Variants in C5orf52 observed in about 807,000 individuals in gnomAD.
C5orf52 encodes the protein chromosome 5 open reading frame 52.
In C5orf52, 15 loss-of-function variants were observed where a neutral mutation model predicts 16.8. That is an observed-to-expected ratio of 0.89 (90% CI 0.60 to 1.38). The LOEUF (loss-of-function observed/expected upper bound fraction) is 1.38. C5orf52 is among the 40% of genes most tolerant of loss of function. The pLI is 0.00. For synonymous variants in C5orf52, 83 were observed against 87.2 expected (o/e 0.95, Z 0.27); for missense variants, 206 against 213.1 (o/e 0.97, Z 0.21).
Position 157,671,767 on chromosome 5 carries a change from G to A in C5orf52, c.153G>A (p.Gly51=). 6.4e-7 allele frequency: 1 copy of A among 1,550,614 alleles called. No individual in the cohort carries two copies. The change falls in exon 1 of 3, where the codon GGG becomes GGA. Residue 51 remains glycine (G), a synonymous_variant. Coordinates refer to ENST00000409999, the MANE Select transcript of C5orf52 (RefSeq NM_001145132.2). ...GCCGCCGCCCAGAAATCGGCGTAGG[G>A]GGTCAGCCGCAGATCTGCTTTCCGC... is the stretch of plus-strand genomic sequence containing the variant. ...RLGRRPEIGV[G]GQPQICFPRP...
At chr5:157,675,602 G>A (rs1581416331) in intron 2 of C5orf52, among the ~76,000 whole-genome samples, 3 of 152,010 alleles carry the variant, frequency 2.0e-5, no homozygotes, top group South Asian at 4.2e-4. Context: ...TCAGGAATTC[G>A]AGACCAGCCT....
At chr5:157,678,635 A>G (rs1759952126) in intron 2 of C5orf52, among the ~76,000 whole-genome samples, 1 of 151,906 alleles carries the variant, frequency 6.6e-6, no homozygotes. Flanking sequence ...TTTTTTTTGT[A>G]TTTTGAGTAG....
rs762950282 is a variant in C5orf52, at chr5:157,671,789, C to G, written c.175C>G (p.Pro59Ala). Residue 59 changes from proline to alanine, a missense_variant, in exon 1 of 3, where the codon CCG (proline) becomes GCG (alanine). Pro to Ala is a conservative substitution (Grantham distance 27, BLOSUM62 -1). Coordinates refer to ENST00000409999, the MANE Select transcript of C5orf52 (RefSeq NM_001145132.2). Reference protein sequence around the residue: ...GVGGQPQICFPRPRSAQQPVL... With the variant: ...GVGGQPQICFARPRSAQQPVL... ...AGGGGGTCAGCCGCAGATCTGCTTTCCGCGGCCGAGGTCCGCGCAGCAGCC... is the reference window on the plus strand; with the variant it reads ...AGGGGGTCAGCCGCAGATCTGCTTTGCGCGGCCGAGGTCCGCGCAGCAGCC... 9.7e-6 allele frequency: 15 copies of G among 1,547,432 alleles called. No individual in the cohort carries two copies. The highest frequency in any genetic ancestry group is 1.4e-5 in the African/African-American group (1 of 73,022).
chr5:157,672,732 G>T (rs1181750518), intron 1 of C5orf52, among the ~76,000 whole-genome samples: 7 of 152,076 alleles, frequency 4.6e-5, no homozygotes, highest in Non-Finnish European at 8.8e-5. Flanking sequence ...GACACTCCGG[G>T]TTCCAAATTG....
intron 1 of C5orf52, among the ~76,000 whole-genome samples, 161 bp downstream of exon 1, chr5:157,671,987 G>A (rs999837216): frequency 1.3e-5 from 2 of 152,196 alleles, no homozygotes; most frequent in African/African-American, 4.8e-5. Context: ...TCCCAGTCTA[G>A]CTCTTCGGAT....
chr5:157,671,836 G>A lies in C5orf52; in HGVS notation c.212+10G>A, dbSNP rs1561594014. ...AGCCGGTGCTGTTCAGGTGTGGCCC[G>A]CATGCCCAGAGCGTTCGTCAGACCC... On this transcript the variant is annotated intron_variant, in intron 1 of 2. Coordinates refer to ENST00000409999, the MANE Select transcript of C5orf52 (RefSeq NM_001145132.2). 2.0e-6 allele frequency: 3 copies of A among 1,491,594 alleles called. No individual in the cohort carries two copies. Among genetic ancestry groups the A allele is most frequent in the Non-Finnish European group, 2.7e-6 (3 of 1,113,580 alleles). 92.4% of individuals were successfully genotyped at this position (1,491,594 alleles called of 1,614,324 possible).
In C5orf52 at chr5:157,671,835, C is replaced by T; in HGVS notation, c.212+9C>T. 2.0e-6 allele frequency: 3 copies of T among 1,495,402 alleles called. No homozygotes were observed. In the African/African-American group the frequency reaches 4.2e-5, roughly 21 times the overall value. The allele number at this position is 1,495,402 out of a possible 1,614,324, so 92.6% of individuals were successfully genotyped here. A position where few individuals can be genotyped will look rare whatever the true frequency, so the allele number is the denominator to read the frequency against. ...CAGCCGGTGCTGTTCAGGTGTGGCC[C>T]GCATGCCCAGAGCGTTCGTCAGACC... On this transcript the variant is annotated intron_variant, in intron 1 of 2. Coordinates refer to ENST00000409999, the MANE Select transcript of C5orf52 (RefSeq NM_001145132.2).
At chr5:157,676,103 C>A (rs1759889448) in intron 2 of C5orf52, among the ~76,000 whole-genome samples, 1 of 152,096 alleles carries the variant, frequency 6.6e-6, no homozygotes, top group Non-Finnish European at 1.5e-5. Flanking sequence ...GACAGAATTT[C>A]ATTCCTGTTG....
intron 1 of C5orf52, among the ~76,000 whole-genome samples, chr5:157,673,308 A>G (rs775410475): frequency 3.3e-5 from 5 of 152,026 alleles, no homozygotes; most frequent in African/African-American, 4.8e-5. Flanking sequence ...CTGCACTCCA[A>G]CATGGGCGAC....
At chr5:157,674,771 A>C (rs1393400685) in intron 1 of C5orf52, among the ~76,000 whole-genome samples, 1 of 152,148 alleles carries the variant, frequency 6.6e-6, no homozygotes, top group African/African-American at 2.4e-5. Flanking sequence ...GCCTCAAAAA[A>C]ACAAAAAACA....
chr5:157,674,760 C>T (rs867829654), intron 1 of C5orf52, among the ~76,000 whole-genome samples: 6 of 151,818 alleles, frequency 4.0e-5, no homozygotes, highest in East Asian at 1.9e-4. Flanking sequence ...AGTGAAACTC[C>T]GCCTCAAAAA....
intron 2 of C5orf52, among the ~76,000 whole-genome samples, chr5:157,676,307 A>G (rs574129596): frequency 9.2e-5 from 14 of 152,248 alleles, no homozygotes; most frequent in African/African-American, 2.2e-4. Context: ...TCCTGACCTC[A>G]GGTGATCCAC....
At chr5:157,672,152 T>C (rs7703135) in intron 1 of C5orf52, among the ~76,000 whole-genome samples, 76,993 of 151,980 alleles carry the variant, frequency 0.51, 22,760 homozygotes, top group African/African-American at 0.83. Context: ...GTGGCCGCAG[T>C]GCCCTAGGGG....
upstream of C5orf52, chr5:157,671,455 C>G (rs1471729300): frequency 4.8e-6 from 3 of 626,282 alleles, no homozygotes; most frequent in African/African-American, 3.8e-5. Context: ...TCCAACAGCC[C>G]CCGTCCCCTT....
chr5:157,680,146 G>A lies in C5orf52; in HGVS notation c.*147G>A, dbSNP rs1581419097. ...CAATAAACAGAAACCAGCAGACAGCGGAGCATAATAAATCCTCAGCAATCC... is the reference window on the plus strand; with the variant it reads ...CAATAAACAGAAACCAGCAGACAGCAGAGCATAATAAATCCTCAGCAATCC... On this transcript the variant is annotated 3_prime_UTR_variant, in exon 3 of 3. Transcript: ENST00000409999. 1.1e-5 allele frequency: 8 copies of A among 733,336 alleles called. No homozygotes were observed. The highest frequency in any genetic ancestry group is 4.1e-5 in the South Asian group (2 of 48,454). 45.4% of individuals were successfully genotyped at this position (733,336 alleles called of 1,614,324 possible).
chr5:157,675,300 A>G (rs1759875308), intron 2 of C5orf52, 100 bp downstream of exon 2: 2 of 747,784 alleles, frequency 2.7e-6, no homozygotes, highest in South Asian at 3.6e-5. Flanking sequence ...GGTGATAGGG[A>G]GTCATCAAGG....
intron 1 of C5orf52, among the ~76,000 whole-genome samples, chr5:157,672,817 G>A (rs889440690): frequency 1.2e-4 from 18 of 152,054 alleles, no homozygotes; most frequent in Admixed American, 5.2e-4. Context: ...CACCATGCTC[G>A]GCTAATTTTT....
chr5:157,675,732 A>G (rs1759881545), intron 2 of C5orf52, among the ~76,000 whole-genome samples: 1 of 152,162 alleles, frequency 6.6e-6, no homozygotes, highest in African/African-American at 2.4e-5. Flanking sequence ...ACAAAAAAAC[A>G]GAAAACCAAA....
At chr5:157,676,703 A>T (rs1341330729) in intron 2 of C5orf52, among the ~76,000 whole-genome samples, 1 of 152,138 alleles carries the variant, frequency 6.6e-6, no homozygotes, top group Non-Finnish European at 1.5e-5. Flanking sequence ...ACTGAACTTG[A>T]ACTAGTTCGA....
Sources: allele counts gnomAD v4.1 joint callset (sites outside exome capture counted in the v4.1 genomes callset), GRCh38; gene constraint gnomAD v4.1.1; transcripts MANE v1.5; gene names NCBI Gene and HGNC (gene_info 2026-07-23, HGNC 2026-07-21).